Variants in KANSL1 observed in about 807,000 individuals in gnomAD.
KANSL1 encodes KAT8 regulatory NSL complex subunit 1.
KANSL1 carries 22 observed loss-of-function variants against 103.6 expected under a neutral mutation model. That is an observed-to-expected ratio of 0.21 (90% confidence interval 0.15 to 0.30). The LOEUF (loss-of-function observed/expected upper bound fraction) is 0.30, where lower values mean the gene tolerates loss of function less well. Among genes scored for constraint, KANSL1 ranks in the 10% least tolerant of loss-of-function variants. The pLI, the probability that KANSL1 is intolerant of heterozygous loss-of-function variation, is 1.00. For synonymous variants in KANSL1, 600 were observed against 527.6 expected, an observed-to-expected ratio of 1.14 and a Z score of -1.88; for missense variants, 1,337 against 1,399.8, an observed-to-expected ratio of 0.96 and a Z score of 0.72.
chr17:46,135,189 A>G (rs2044066263), intron 2 of KANSL1, among the ~76,000 whole-genome samples: 1 of 152,134 alleles, frequency 6.6e-6, no homozygotes, highest in South Asian at 2.1e-4. Flanking sequence ...TTAGAAATAG[A>G]TTCTGAAATA....
intron 1 of KANSL1, among the ~76,000 whole-genome samples, chr17:46,217,066 G>A (rs1248703577): frequency 1.4e-5 from 2 of 143,070 alleles, no homozygotes; most frequent in Admixed American, 1.4e-4. Context: ...AGTGATCCAA[G>A]TGCCACTGCA....
intron 4 of KANSL1, among the ~76,000 whole-genome samples, chr17:46,069,787 G>A (rs1194758943): frequency 2.0e-5 from 3 of 151,948 alleles, no homozygotes; most frequent in Admixed American, 6.6e-5. Flanking sequence ...ACAAAAAACA[G>A]ATTGGGAAGA....
chr17:46,213,564 TC>T (rs1292692814), intron 1 of KANSL1, among the ~76,000 whole-genome samples: 9 of 145,834 alleles, frequency 6.2e-5, no homozygotes, highest in African/African-American at 2.3e-4. Flanking sequence ...CGCCTCGGCC[TC>T]CCAAAGTGCT....
At chr17:46,036,796 T>TG (rs2077163965) in intron 10 of KANSL1, among the ~76,000 whole-genome samples, 2 of 152,024 alleles carry the variant, frequency 1.3e-5, no homozygotes, top group African/African-American at 4.8e-5. Context: ...CTCCGCTCAC[T>TG]GGAACCTCCG....
intron 10 of KANSL1, 39 bp downstream of exon 10, chr17:46,038,499 G>A (rs375461096): frequency 1.2e-6 from 2 of 1,606,928 alleles, no homozygotes; most frequent in Non-Finnish European, 8.5e-7. Context: ...GCTGTGACCT[G>A]CAGAGGGGGT....
chr17:46,090,185 ACACCAAGGACTAG>A (rs2079327908), intron 3 of KANSL1, among the ~76,000 whole-genome samples: 1 of 152,240 alleles, frequency 6.6e-6, no homozygotes, highest in Admixed American at 6.5e-5. Flanking sequence ...CAGGCCAAGA[ACACCAAGGACTAG>A]CACAATATCA....
chr17:46,158,873 CAATAGCTTGATTAAGCT>C (rs2045580397), intron 2 of KANSL1, among the ~76,000 whole-genome samples: 1 of 152,232 alleles, frequency 6.6e-6, no homozygotes, highest in Non-Finnish European at 1.5e-5. Context: ...AACACTCCAG[CAATAGCTTGATTAAGCT>C]AAAAAGATAC....
chr17:46,212,617 A>T (rs1567808677), intron 1 of KANSL1, among the ~76,000 whole-genome samples: 1 of 152,202 alleles, frequency 6.6e-6, no homozygotes, highest in Non-Finnish European at 1.5e-5. Context: ...ATTTAGGTTT[A>T]TTCTCAATTC....
chr17:46,183,562 GGAGGAGA>G lies in KANSL1; in HGVS notation c.-90+9254_-90+9260del, dbSNP rs369462772. Among the ~76,000 whole-genome samples, 646 of 111,874 alleles carry G rather than the reference GGAGGAGA, an allele frequency of 5.8e-3. 5 individuals are homozygous for G. Among genetic ancestry groups the G allele is most frequent in the African/African-American group, 0.014 (528 of 37,596 alleles). The allele number at this position is 111,874 out of a possible 152,430, so 73.4% of individuals were successfully genotyped here. On this transcript the variant is annotated intron_variant, in intron 1 of 14. Transcript: ENST00000432791. ...CTCAAAAGAAGGAAAAGAGGAGAGG[GGAGGAGA>G]GAGGAGAGAGGAGAGAGGAGACAGG...
At chr17:46,185,423 A>T (rs1244907939) in intron 1 of KANSL1, among the ~76,000 whole-genome samples, 1 of 152,180 alleles carries the variant, frequency 6.6e-6, no homozygotes, top group Non-Finnish European at 1.5e-5. Flanking sequence ...TACACTTTTT[A>T]AGCTATTATT....
At chr17:46,184,950 C>T (rs2046951363) in intron 1 of KANSL1, among the ~76,000 whole-genome samples, 1 of 151,636 alleles carries the variant, frequency 6.6e-6, no homozygotes, top group African/African-American at 2.4e-5. Flanking sequence ...AGCGTTTCTC[C>T]TGCCTCAGCC....
intron 2 of KANSL1, among the ~76,000 whole-genome samples, chr17:46,144,443 T>C (rs2044590516): frequency 6.6e-6 from 1 of 152,240 alleles, no homozygotes; most frequent in Admixed American, 6.5e-5. Context: ...TGCCAATTTC[T>C]GGGACTCTCT....
intron 2 of KANSL1, among the ~76,000 whole-genome samples, chr17:46,162,343 C>T (rs1308680291): frequency 1.3e-5 from 2 of 152,214 alleles, no homozygotes; most frequent in African/African-American, 4.8e-5. Flanking sequence ...AGAATGTGGA[C>T]CCATGCTTTC....
chr17:46,096,311 C>CCTTTTTTTT (rs2042065898), intron 2 of KANSL1, among the ~76,000 whole-genome samples: 1 of 76,408 alleles, frequency 1.3e-5, no homozygotes, highest in Non-Finnish European at 2.5e-5. Flanking sequence ...GCTTTTTTTT[C>CCTTTTTTTT]TTTTTTTTTT....
At chr17:46,059,898 C>T (rs1011768265) in intron 6 of KANSL1, among the ~76,000 whole-genome samples, 1 of 151,858 alleles carries the variant, frequency 6.6e-6, no homozygotes, top group African/African-American at 2.4e-5. Context: ...TGCACCACTG[C>T]ACTCCAGCCT....
At chr17:46,168,793 T>G (rs2046136034) in intron 2 of KANSL1, among the ~76,000 whole-genome samples, 1 of 152,260 alleles carries the variant, frequency 6.6e-6, no homozygotes, top group Admixed American at 6.5e-5. Context: ...CCAAAATGTT[T>G]CCTAAAAGCC....
chr17:46,108,210 C>CCT (rs2042654402), intron 2 of KANSL1, among the ~76,000 whole-genome samples: 1 of 152,218 alleles, frequency 6.6e-6, no homozygotes, highest in Non-Finnish European at 1.5e-5. Context: ...AAACAGAGAG[C>CCT]CTCTATCACC....
At chr17:46,079,231 C>T (rs1300643373) in intron 4 of KANSL1, among the ~76,000 whole-genome samples, 1 of 152,004 alleles carries the variant, frequency 6.6e-6, no homozygotes, top group Non-Finnish European at 1.5e-5. Context: ...TTTAGAACAA[C>T]TTAGTTCAAT....
chr17:46,109,366 T>C (rs1382512842), intron 2 of KANSL1, among the ~76,000 whole-genome samples: 2 of 152,264 alleles, frequency 1.3e-5, no homozygotes, highest in African/African-American at 4.8e-5. Context: ...TCTCAATTTC[T>C]ATGCTTTTGC....
Sources: allele counts gnomAD v4.1 joint callset (sites outside exome capture counted in the v4.1 genomes callset), GRCh38; gene constraint gnomAD v4.1.1; transcripts MANE v1.5; gene names NCBI Gene and HGNC (gene_info 2026-07-23, HGNC 2026-07-21).